The following CDC20 variants were observed in gnomAD, a reference collection of about 807,000 sequenced individuals.
The protein encoded by CDC20 is cell division cycle 20.
In CDC20, 34 loss-of-function variants were observed where a neutral mutation model predicts 60.0. The observed-to-expected ratio is 0.57, with a 90% CI of 0.43 to 0.75. CDC20 has a LOEUF of 0.75. Ranked by LOEUF, CDC20 falls within the 30% of genes least tolerant of loss-of-function variation. The pLI is 0.00. For missense variants in CDC20, 469 were observed against 647.3 expected, an observed-to-expected ratio of 0.72 and a Z score of 2.99; for synonymous variants, 198 against 243.5, an observed-to-expected ratio of 0.81 and a Z score of 1.74.
At chr1:43,361,345 A>G (rs1647171888) in intron 9 of CDC20, 100 bp downstream of exon 9, 5 of 1,186,416 alleles carry the variant, frequency 4.2e-6, no homozygotes, top group Non-Finnish European at 4.7e-6. Context: ...GTGATTCCCA[A>G]ACTTCTAACT....
rs1406364313 is a variant in CDC20 at position 43,359,710 on chromosome 1, T to C, written c.331-15T>C. 1.2e-6 allele frequency: 2 copies of C among 1,613,796 alleles called. No individual in the cohort carries two copies. The highest frequency in any genetic ancestry group is 1.7e-6 in the Non-Finnish European group (2 of 1,179,954). On this transcript the variant is annotated splice_polypyrimidine_tract_variant and intron_variant, in intron 3 of 10. Coordinates refer to ENST00000310955, the MANE Select transcript of CDC20 (RefSeq NM_001255.3). ...GGATAATACCATCTTGCTCCTTCAC[T>C]ACCCTTTATGCCAGGAACATCAGAA...
rs1481135097 is a variant in CDC20 at position 43,359,189 on chromosome 1, A to G, written c.-27A>G. On this transcript the variant is annotated 5_prime_UTR_variant, in exon 2 of 11. Coordinates refer to ENST00000310955, the MANE Select transcript of CDC20 (RefSeq NM_001255.3). ...CAGGGCTCCGTAGGCACCAACTGCA[A>G]GGACCCCTCCCCCTGCGGGCGCTCC... The G allele has an allele frequency of 1.2e-6, 2 of 1,610,802 alleles. No homozygotes were observed. Among genetic ancestry groups the G allele is most frequent in the Non-Finnish European group, 1.7e-6 (2 of 1,179,354 alleles).
intron 4 of CDC20, 25 bp from the exon 5 acceptor site, chr1:43,359,944 G>T (rs144905951): frequency 1.2e-5 from 20 of 1,613,906 alleles, no homozygotes; most frequent in Middle Eastern, 1.6e-4. Context: ...TTTTCCCAGC[G>T]TCTAGACTCA....
Position 43,360,223 on chromosome 1 carries a change from A to T in CDC20, c.587A>T (p.Asn196Ile). The T allele has an allele frequency of 1.2e-6, 2 of 1,614,224 alleles. No individual in the cohort carries two copies. The highest frequency in any genetic ancestry group is 1.7e-6 in the Non-Finnish European group (2 of 1,180,036). ...AACCTTGTGGATTGGAGTTCTGGGAATGTACTGGCCGTGGCACTGGACAAC... is the reference window on the plus strand; with the variant it reads ...AACCTTGTGGATTGGAGTTCTGGGATTGTACTGGCCGTGGCACTGGACAAC... Reference protein sequence around the residue: ...YLNLVDWSSGNVLAVALDNSV... With the variant: ...YLNLVDWSSGIVLAVALDNSV... The change falls in exon 6 of 11, where the codon AAT becomes ATT. Residue 196 changes from asparagine to isoleucine, a missense_variant. By Grantham distance (149) the Asn-to-Ile change is moderately radical. Transcript: ENST00000310955.
Position 43,361,209 on chromosome 1 carries a change from T to TG in CDC20, c.1171dup (p.Ala391GlyfsTer48). The TG allele has an allele frequency of 6.2e-7, 1 of 1,612,840 alleles. No homozygotes were observed. Among genetic ancestry groups the TG allele is most frequent in the Non-Finnish European group, 8.5e-7 (1 of 1,179,306 alleles). ...ACATTCGCATCTGGAATGTGTGCTC[T>TG]GGGGCCTGTCTGAGTGCCGTGGATG... On this transcript the variant is annotated frameshift_variant, in exon 9 of 11. Transcript: ENST00000310955. LOFTEE classifies it high-confidence loss of function.
At position 43,360,558 on chromosome 1, in the gene CDC20, G is replaced by A. The variant is rs148452670; in HGVS notation, c.813G>A (p.Val271=). 870 of 1,614,114 alleles carry A rather than the reference G, an allele frequency of 5.4e-4. No homozygotes were observed. The highest frequency in any genetic ancestry group is 6.7e-4 in the Non-Finnish European group (796 of 1,179,954). Residue 271 remains valine, a synonymous_variant, in exon 7 of 11, where the codon GTG becomes GTA. Coordinates refer to ENST00000310955, the MANE Select transcript of CDC20 (RefSeq NM_001255.3). ...LRNMTSHSAR[V]GSLSWNSYIL... The stretch of plus-strand genomic sequence containing the variant: ...ATATGACCAGTCACTCTGCCCGAGT[G>A]GGCTCCCTAAGCTGGAACAGCTATA...
chr1:43,360,690 T>G (rs529778495), intron 7 of CDC20, 43 bp from the exon 8 acceptor site: 5 of 1,587,014 alleles, frequency 3.2e-6, no homozygotes, highest in Middle Eastern at 3.3e-4. Context: ...TTGCTTGCAT[T>G]TGGTGCTGCC....
chr1:43,359,618 A>G lies in CDC20; in HGVS notation c.310A>G (p.Ser104Gly), dbSNP rs1472081242. Residue 104 changes from serine to glycine, a missense_variant, in exon 3 of 11, where the codon AGC (serine) becomes GGC (glycine). Transcript: ENST00000310955. ...LLSKENQPEN[S>G]QTPTKKEHQK... is the part of the protein sequence containing the mutation. The stretch of plus-strand genomic sequence containing the variant: ...GAGCAAGGAGAACCAGCCTGAAAAC[A>G]GCCAGACGCCCACCAAGAAGGTATG... 1.9e-6 allele frequency: 3 copies of G among 1,613,576 alleles called. No homozygotes were observed. The African/African-American group carries it at 4.0e-5, about 22-fold the overall frequency.
Position 43,359,751 on chromosome 1 carries a change from C to T in CDC20, c.357C>T (p.Asn119=), listed in dbSNP as rs149953181. 231 of 1,613,886 alleles carry T rather than the reference C, an allele frequency of 1.4e-4. 1 individual carries two copies. In the African/African-American group the frequency reaches 2.8e-3, roughly 20 times the overall value. ...AACATCAGAAAGCCTGGGCTTTGAA[C>T]CTGAACGGTTTTGATGTAGAGGAAG... The part of the protein sequence containing the change: ...KKEHQKAWAL[N]LNGFDVEEAK... The change falls in exon 4 of 11, where the codon AAC becomes AAT. Residue 119 remains asparagine (N), a synonymous_variant. Coordinates refer to ENST00000310955, the MANE Select transcript of CDC20 (RefSeq NM_001255.3).
chr1:43,363,065 G>T lies in CDC20; in HGVS notation c.1436G>T (p.Arg479Leu), dbSNP rs45461499. Reference protein sequence around the residue: ...LWRCFELDPARRREREKASAA... With the variant: ...LWRCFELDPALRREREKASAA... ...CGCTGTTTTGAGTTGGACCCTGCGC[G>T]GCGGCGGGAGCGGGAGAAGGCCAGT... is the stretch of plus-strand genomic sequence containing the variant. The change falls in exon 11 of 11, where the codon CGG (arginine) becomes CTG (leucine). Residue 479 changes from arginine (R) to leucine (L), a missense_variant. Coordinates refer to ENST00000310955, the MANE Select transcript of CDC20 (RefSeq NM_001255.3). 1,136 of 1,613,580 alleles carry T rather than the reference G, an allele frequency of 7.0e-4. 25 individuals are homozygous for T. In the South Asian group the frequency reaches 0.012, roughly 17 times the overall value.
Position 43,361,229 on chromosome 1 carries a change from T to G in CDC20, c.1187T>G (p.Val396Gly), listed in dbSNP as rs1172992921. 1.4e-5 allele frequency: 23 copies of G among 1,607,476 alleles called. No homozygotes were observed. Among genetic ancestry groups the G allele is most frequent in the Non-Finnish European group, 2.0e-5 (23 of 1,176,662 alleles). The change falls in exon 9 of 11, where the codon GTG becomes GGG. Residue 396 changes from valine to glycine, a missense_variant. Physicochemically the swap from Val to Gly is moderately radical, Grantham distance 109 (BLOSUM62 -3). Around this residue, in one of 5 missense-constraint regions of CDC20, gnomAD observed 255 missense variants for 326.7 expected, o/e 0.78. Transcript: ENST00000310955. ...TGCTCTGGGGCCTGTCTGAGTGCCG[T>G]GGATGCCCATTCCCAGGTAATCTTT... ...NVCSGACLSA[V>G]DAHSQVCSIL... is the part of the protein sequence containing the mutation.
At position 43,361,185 on chromosome 1, in the gene CDC20, C is replaced by T; in HGVS notation, c.1143C>T (p.His381=). 6.2e-7 allele frequency: 1 copy of T among 1,613,902 alleles called. No homozygotes were observed. Among genetic ancestry groups the T allele is most frequent in the Non-Finnish European group, 8.5e-7 (1 of 1,179,868 alleles). Residue 381 remains histidine (H), a synonymous_variant, in exon 9 of 11, where the codon CAC becomes CAT. Coordinates refer to ENST00000310955, the MANE Select transcript of CDC20 (RefSeq NM_001255.3). ...CAGGAGGGGGCACCAGTGATCGACACATTCGCATCTGGAATGTGTGCTCTG... is the reference window on the plus strand; with the variant it reads ...CAGGAGGGGGCACCAGTGATCGACATATTCGCATCTGGAATGTGTGCTCTG... ...LATGGGTSDR[H]IRIWNVCSGA... is the part of the protein sequence containing the mutation.
intron 9 of CDC20, 119 bp downstream of exon 9, chr1:43,361,364 A>G: frequency 1.0e-6 from 1 of 972,958 alleles, no homozygotes; most frequent in Non-Finnish European, 1.5e-6. Flanking sequence ...CTCAGCTCTC[A>G]CTCATGAGCT....
chr1:43,359,434 T>C, intron 2 of CDC20, 38 bp downstream of exon 2: 1 of 1,613,184 alleles, frequency 6.2e-7, no homozygotes, highest in Non-Finnish European at 8.5e-7. Context: ...GAGAGCAGCC[T>C]TCATACTTTC....
chr1:43,359,213 C>G lies in CDC20; in HGVS notation c.-3C>G. 6.2e-6 allele frequency: 10 copies of G among 1,611,618 alleles called. No homozygotes were observed. Among genetic ancestry groups the G allele is most frequent in the Non-Finnish European group, 8.5e-6 (10 of 1,179,902 alleles). ...AAGGACCCCTCCCCCTGCGGGCGCT[C>G]CCATGGCACAGTTCGCGTTCGAGAG... On this transcript the variant is annotated 5_prime_UTR_variant, in exon 2 of 11. Transcript: ENST00000310955.
At position 43,362,979 on chromosome 1, in the gene CDC20, C is replaced by A. The variant is rs780678293; in HGVS notation, c.1350C>A (p.Thr450=). 1.2e-6 allele frequency: 2 copies of A among 1,604,582 alleles called. No individual in the cohort carries two copies. ...ACACATCCCGGGTCCTGAGTCTGAC[C>A]ATGAGCCCAGATGGGGCCACAGTGG... ...KGHTSRVLSL[T]MSPDGATVAS... is the part of the protein sequence containing the mutation. The change falls in exon 11 of 11, where the codon ACC becomes ACA. Residue 450 remains threonine, a synonymous_variant. Transcript: ENST00000310955.
chr1:43,362,668 T>G (rs1447057292), intron 10 of CDC20, among the ~76,000 whole-genome samples: 1 of 151,952 alleles, frequency 6.6e-6, no homozygotes, highest in Non-Finnish European at 1.5e-5. Context: ...ATAGAGACAA[T>G]CCTGGCTAAC....
At chr1:43,362,479 A>C (rs992297135) in intron 10 of CDC20, among the ~76,000 whole-genome samples, 167 bp downstream of exon 10, 2 of 152,242 alleles carry the variant, frequency 1.3e-5, no homozygotes, top group Non-Finnish European at 2.9e-5. Context: ...CAGTTGTACA[A>C]TTTTGTGAAT....
intron 9 of CDC20, among the ~76,000 whole-genome samples, chr1:43,361,462 C>T (rs758234996): frequency 1.3e-5 from 2 of 152,174 alleles, no homozygotes; most frequent in Non-Finnish European, 2.9e-5. Flanking sequence ...TTGTCACTTC[C>T]CCTTGCCTCC....
Sources: gnomAD v4.1 joint callset for allele counts (sites outside exome capture counted in the v4.1 genomes callset) on GRCh38, gnomAD v4.1.1 for gene constraint, gnomAD v4.1.1 regional missense constraint, MANE v1.5 for transcripts, NCBI Gene and HGNC (gene_info 2026-07-23, HGNC 2026-07-21) for gene names.